PLEKHA7: variants seen among roughly 807,000 people sequenced by gnomAD.
PLEKHA7 encodes pleckstrin homology domain containing A7.
A neutral mutation model predicts 170.0 loss-of-function variants in PLEKHA7; 104 were observed. The observed-to-expected ratio is 0.61, with a 90% confidence interval of 0.52 to 0.72. The LOEUF is 0.72. PLEKHA7 is among the 30% of genes least tolerant of loss of function. The pLI is 0.00. For synonymous variants in PLEKHA7, 648 were observed against 660.8 expected, an observed-to-expected ratio of 0.98 and a Z score of 0.30; for missense variants, 1,615 against 1,671.7, an observed-to-expected ratio of 0.97 and a Z score of 0.59.
chr11:16,951,739 C>G (rs191714118), intron 3 of PLEKHA7, among the ~76,000 whole-genome samples: 1 of 152,286 alleles, frequency 6.6e-6, no homozygotes, highest in African/African-American at 2.4e-5. Context: ...GGGAATGCCT[C>G]TTGGAAGAGC....
rs1318695951 is a variant in PLEKHA7, at chr11:16,794,571, A to G, written c.2662T>C (p.Tyr888His). 1 of 1,613,562 alleles carries G rather than the reference A, an allele frequency of 6.2e-7. No individual in the cohort carries two copies. The highest frequency in any genetic ancestry group is 2.2e-5 in the East Asian group (1 of 44,832). ...EVRLFPQLQT[Y>H]VPYRPHPPQL... ...GGTGGGTGAGGTCGGTACGGCACGT[A>G]GGTTTGCAGCTGGGGGAAGAGTCGA... Residue 888 changes from tyrosine to histidine, a missense_variant, in exon 19 of 27, where the codon TAC becomes CAC. By Grantham distance (83) the Tyr-to-His change is moderately conservative (BLOSUM62 2). Transcript: ENST00000531066.
At chr11:17,000,183 A>T (rs970376614) in intron 3 of PLEKHA7, among the ~76,000 whole-genome samples, 1 of 152,222 alleles carries the variant, frequency 6.6e-6, no homozygotes, top group Non-Finnish European at 1.5e-5. Context: ...TCCCAGGTTC[A>T]TGCAATTCTC....
rs576041522 is a variant in PLEKHA7, at chr11:16,861,983, G to A, written c.306-6069C>T. 4.6e-5 allele frequency among the ~76,000 whole-genome samples: 7 copies of A among 152,126 alleles called. No individual in the cohort carries two copies. The South Asian group carries it at 1.5e-3, about 32-fold the overall frequency. On this transcript the variant is annotated intron_variant, in intron 4 of 26. Transcript: ENST00000531066. The stretch of plus-strand genomic sequence containing the variant: ...AAAAGAAAGCTCTTATCCCAAACAG[G>A]CAGACACCTCCCTCCACACCCCCTC...
intron 3 of PLEKHA7, among the ~76,000 whole-genome samples, chr11:16,944,168 A>G (rs1860869488): frequency 6.6e-6 from 1 of 151,984 alleles, no homozygotes; most frequent in East Asian, 1.9e-4. Flanking sequence ...AGCCTGGCCA[A>G]CATGGTGATA....
chr11:16,832,160 A>C (rs1851168164), intron 9 of PLEKHA7, among the ~76,000 whole-genome samples: 1 of 152,184 alleles, frequency 6.6e-6, no homozygotes, highest in Non-Finnish European at 1.5e-5. Flanking sequence ...AGGTGATAAA[A>C]AGCCCACGTC....
chr11:16,832,634 A>G (rs1003812188), intron 9 of PLEKHA7, among the ~76,000 whole-genome samples: 2 of 152,320 alleles, frequency 1.3e-5, no homozygotes, highest in African/African-American at 4.8e-5. Context: ...TCTCATTCAA[A>G]GACTGAGATG....
intron 3 of PLEKHA7, among the ~76,000 whole-genome samples, chr11:16,981,451 T>C (rs1475514440): frequency 1.3e-5 from 2 of 152,098 alleles, no homozygotes; most frequent in African/African-American, 4.8e-5. Context: ...AGAGAAGAGC[T>C]TCCTGGAACA....
intron 3 of PLEKHA7, among the ~76,000 whole-genome samples, chr11:16,983,687 G>A (rs1482006930): frequency 6.6e-6 from 1 of 152,182 alleles, no homozygotes; most frequent in African/African-American, 2.4e-5. Context: ...CTACTAAACA[G>A]AAGATCCAGG....
In PLEKHA7 at chr11:16,789,182, G is replaced by A. The variant is rs761822621; in HGVS notation, c.3271C>T (p.Arg1091Cys). The change falls in exon 23 of 27, where the codon CGC becomes TGC. Residue 1091 changes from arginine to cysteine, a missense_variant. Arg to Cys is a radical substitution (Grantham distance 180). Coordinates refer to ENST00000531066, the MANE Select transcript of PLEKHA7 (RefSeq NM_001329630.2). The surrounding 1 kb of genome is among the most constrained non-coding windows in gnomAD (Gnocchi z 4.6). Reference sequence around the variant, plus strand: ...TCCCCTTGGCCCAGTGTCCTCTTGCGCTCTCGGACCAGGGCCTTCTGGTGT... The same window carrying A: ...TCCCCTTGGCCCAGTGTCCTCTTGCACTCTCGGACCAGGGCCTTCTGGTGT... ...KRHQKALVRERKRTLGQGERT... is the reference protein window; with the variant it reads ...KRHQKALVRECKRTLGQGERT... 1.6e-5 allele frequency: 25 copies of A among 1,612,760 alleles called. No homozygotes were observed. Among genetic ancestry groups the A allele is most frequent in the Non-Finnish European group, 2.0e-5 (24 of 1,180,040 alleles).
intron 10 of PLEKHA7, among the ~76,000 whole-genome samples, chr11:16,819,606 A>G (rs1850056298): frequency 6.6e-6 from 1 of 152,246 alleles, no homozygotes; most frequent in Non-Finnish European, 1.5e-5. Flanking sequence ...TTCCAAGCCA[A>G]CACTACTCAA....
chr11:16,863,156 G>A (rs1250240917), intron 4 of PLEKHA7, among the ~76,000 whole-genome samples: 3 of 152,040 alleles, frequency 2.0e-5, no homozygotes, highest in African/African-American at 7.3e-5. Context: ...CCCATAATCA[G>A]CACATGCCAT....
At chr11:16,934,587 C>T (rs914958436) in intron 3 of PLEKHA7, among the ~76,000 whole-genome samples, 5 of 152,160 alleles carry the variant, frequency 3.3e-5, no homozygotes, top group African/African-American at 1.2e-4. Flanking sequence ...CAGGCTATTG[C>T]CATTCTCCTT....
chr11:16,846,990 GAGA>G (rs1299122143), intron 8 of PLEKHA7, among the ~76,000 whole-genome samples: 1 of 151,248 alleles, frequency 6.6e-6, no homozygotes, highest in Non-Finnish European at 1.5e-5. Context: ...CGAGGGCTCA[GAGA>G]AGGCTTCCCA....
chr11:16,972,592 T>C (rs558250333), intron 3 of PLEKHA7, among the ~76,000 whole-genome samples: 1 of 152,042 alleles, frequency 6.6e-6, no homozygotes, highest in African/African-American at 2.4e-5. Flanking sequence ...TTCTTTTTTT[T>C]CAGTTTTTAG....
chr11:16,957,864 C>T (rs1004174933), intron 3 of PLEKHA7, among the ~76,000 whole-genome samples: 2 of 151,854 alleles, frequency 1.3e-5, no homozygotes, highest in East Asian at 2.0e-4. Context: ...CCACCACGCC[C>T]GGCTAATTTT....
At chr11:16,847,078 GTTTTTTTTTTTCT>G (rs1852470925) in intron 8 of PLEKHA7, among the ~76,000 whole-genome samples, 3 of 129,552 alleles carry the variant, frequency 2.3e-5, no homozygotes, top group African/African-American at 2.9e-5. Flanking sequence ...TGTGGCTGAA[GTTTTTTTTTTTCT>G]TTTTTTTTTT....
intron 3 of PLEKHA7, among the ~76,000 whole-genome samples, chr11:16,933,242 C>T (rs72865730): frequency 1.3e-5 from 2 of 152,184 alleles, no homozygotes; most frequent in Non-Finnish European, 2.9e-5. Context: ...GATGACAAAA[C>T]CCAGGCATAA....
At chr11:16,891,792 A>G (rs10766355) in intron 3 of PLEKHA7, among the ~76,000 whole-genome samples, 72,139 of 152,082 alleles carry the variant, frequency 0.47, 17,639 homozygotes, top group Non-Finnish European at 0.54. Context: ...GGAGAGACAG[A>G]CCAGGGCTGT....
chr11:16,897,605 G>A (rs1857077044), intron 3 of PLEKHA7, among the ~76,000 whole-genome samples: 1 of 152,152 alleles, frequency 6.6e-6, no homozygotes, highest in South Asian at 2.1e-4. Flanking sequence ...AGGTGTATTA[G>A]GCAGTGAGGG....
Sources: allele counts gnomAD v4.1 joint callset (sites outside exome capture counted in the v4.1 genomes callset), GRCh38; gene constraint gnomAD v4.1.1; non-coding constraint Gnocchi (gnomAD v3.1); transcripts MANE v1.5; gene names NCBI Gene and HGNC (gene_info 2026-07-23, HGNC 2026-07-21).